The following PDE8A variants were observed in gnomAD, a reference collection of about 807,000 sequenced individuals.
The protein encoded by PDE8A is high affinity cAMP-specific and IBMX-insensitive 3',5'-cyclic phosphodiesterase 8A.
PDE8A carries 59 observed loss-of-function variants against 105.0 expected under a neutral mutation model. That is an observed-to-expected ratio of 0.56 (90% confidence interval 0.46 to 0.70). The LOEUF (loss-of-function observed/expected upper bound fraction) is 0.70, where lower values mean the gene tolerates loss of function less well. PDE8A is among the 30% of genes least tolerant of loss of function. PDE8A has a pLI of 0.00. For missense variants in PDE8A, 1,014 were observed against 1,045.9 expected, an observed-to-expected ratio of 0.97 and a Z score of 0.42; for synonymous variants, 355 against 371.9, an observed-to-expected ratio of 0.95 and a Z score of 0.52.
intron 1 of PDE8A, among the ~76,000 whole-genome samples, chr15:85,054,717 C>T (rs1010854704): frequency 1.3e-5 from 2 of 152,108 alleles, no homozygotes; most frequent in Non-Finnish European, 2.9e-5. Context: ...CTTTGTTAGT[C>T]TTGCTAGCGG....
Position 85,137,957 on chromosome 15 carries a change from C to T in PDE8A, c.*54C>T. On this transcript the variant is annotated 3_prime_UTR_variant, in exon 22 of 22. Coordinates refer to ENST00000394553, the MANE Select transcript of PDE8A (RefSeq NM_002605.3). Reference sequence around the variant, plus strand: ...TTTGTTCCTTCGGTCATTTGGAATTCCTGAGGGCAGCCAGAGCTCCTTGGT... The same window carrying T: ...TTTGTTCCTTCGGTCATTTGGAATTTCTGAGGGCAGCCAGAGCTCCTTGGT... The T allele has an allele frequency of 8.8e-7, 1 of 1,134,608 alleles. No homozygotes were observed. Among genetic ancestry groups the T allele is most frequent in the Non-Finnish European group, 1.3e-6 (1 of 750,590 alleles). The allele number at this position is 1,134,608 out of a possible 1,614,324, so 70.3% of individuals were successfully genotyped here.
chr15:85,030,014 A>G (rs1741689751), intron 1 of PDE8A, among the ~76,000 whole-genome samples: 1 of 152,118 alleles, frequency 6.6e-6, no homozygotes, highest in Non-Finnish European at 1.5e-5. Flanking sequence ...TGCAGAAGGA[A>G]CATCTAGTGG....
At chr15:84,987,399 A>G (rs1442306658) in intron 1 of PDE8A, among the ~76,000 whole-genome samples, 1 of 150,704 alleles carries the variant, frequency 6.6e-6, no homozygotes, top group African/African-American at 2.5e-5. Context: ...TTCTGGCGCA[A>G]ATGTTTCCTG....
chr15:85,072,380 C>G (rs1183484349), intron 3 of PDE8A, among the ~76,000 whole-genome samples: 1 of 152,070 alleles, frequency 6.6e-6, no homozygotes, highest in Non-Finnish European at 1.5e-5. Flanking sequence ...TGGTAGTTGC[C>G]CCCAGTATCC....
intron 20 of PDE8A, among the ~76,000 whole-genome samples, chr15:85,129,293 A>G (rs540687036): frequency 5.3e-5 from 8 of 152,230 alleles, no homozygotes; most frequent in Non-Finnish European, 8.8e-5. Flanking sequence ...CTTCCTTTTC[A>G]GTTTTTCTGG....
chr15:85,110,692 T>G (rs949913797), intron 12 of PDE8A, among the ~76,000 whole-genome samples: 8 of 152,244 alleles, frequency 5.3e-5, no homozygotes, highest in African/African-American at 1.9e-4. Context: ...CATCTTCTTC[T>G]TGTTTCCATT....
chr15:85,030,205 C>G (rs2080590517), intron 1 of PDE8A, among the ~76,000 whole-genome samples: 1 of 151,916 alleles, frequency 6.6e-6, no homozygotes, highest in Non-Finnish European at 1.5e-5. Context: ...TTGTAAATTC[C>G]TAGAAGTGTT....
intron 1 of PDE8A, among the ~76,000 whole-genome samples, chr15:85,053,196 C>T (rs1454536724): frequency 1.3e-5 from 2 of 152,148 alleles, no homozygotes; most frequent in Admixed American, 6.5e-5. Flanking sequence ...GTTTTGGTAC[C>T]AGTACCATGC....
chr15:85,040,808 C>T (rs2080793775), intron 1 of PDE8A, among the ~76,000 whole-genome samples: 2 of 152,134 alleles, frequency 1.3e-5, no homozygotes, highest in African/African-American at 4.8e-5. Flanking sequence ...ATCCGCCTGC[C>T]TTGGCCTCCC....
At chr15:85,120,666 C>T in intron 17 of PDE8A, 131 bp from the exon 18 acceptor site, 1 of 630,522 alleles carries the variant, frequency 1.6e-6, no homozygotes. Flanking sequence ...TAGATTTGCT[C>T]ACGTAGTATG....
chr15:85,116,656 G>A (rs2082101422), intron 16 of PDE8A, among the ~76,000 whole-genome samples: 1 of 152,184 alleles, frequency 6.6e-6, no homozygotes, highest in Non-Finnish European at 1.5e-5. Context: ...AGTTGGCTGG[G>A]CACACAAGAA....
intron 6 of PDE8A, among the ~76,000 whole-genome samples, chr15:85,087,465 G>A (rs899586120): frequency 3.3e-5 from 5 of 152,224 alleles, no homozygotes; most frequent in Non-Finnish European, 7.3e-5. Flanking sequence ...CTCCCAGAGT[G>A]CTGGCATTAC....
At chr15:85,049,593 T>C (rs927632072) in intron 1 of PDE8A, among the ~76,000 whole-genome samples, 6 of 152,250 alleles carry the variant, frequency 3.9e-5, no homozygotes, top group Non-Finnish European at 7.3e-5. Context: ...ATTTATTCTT[T>C]ATTTTTTAAA....
chr15:85,070,684 GAGT>G (rs1286136306), intron 3 of PDE8A, among the ~76,000 whole-genome samples: 5 of 152,220 alleles, frequency 3.3e-5, no homozygotes, highest in African/African-American at 1.2e-4. Flanking sequence ...GGCAGATGTG[GAGT>G]AGGTGTCAGG....
intron 7 of PDE8A, chr15:85,090,838 G>T (rs988371143): frequency 1.6e-6 from 1 of 634,702 alleles, no homozygotes; most frequent in African/African-American, 1.8e-5. Context: ...AGCCCAGCCG[G>T]GTATCACCCA....
At chr15:85,043,597 C>G (rs2080843254) in intron 1 of PDE8A, among the ~76,000 whole-genome samples, 1 of 152,134 alleles carries the variant, frequency 6.6e-6, no homozygotes, top group African/African-American at 2.4e-5. Flanking sequence ...ACATTTGTCC[C>G]CTGTATTTAA....
At chr15:85,051,938 A>G (rs111564412) in intron 1 of PDE8A, among the ~76,000 whole-genome samples, 5 of 152,054 alleles carry the variant, frequency 3.3e-5, no homozygotes, top group Admixed American at 2.0e-4. Context: ...CATCATTTAC[A>G]TTAGATATAT....
chr15:85,081,298 G>A (rs190768044), intron 5 of PDE8A, among the ~76,000 whole-genome samples: 30 of 152,300 alleles, frequency 2.0e-4, no homozygotes, highest in African/African-American at 6.0e-4. Flanking sequence ...CCATTGAGTC[G>A]GTAGACTCAC....
chr15:84,991,550 C>G (rs770727995), intron 1 of PDE8A, among the ~76,000 whole-genome samples: 1 of 152,120 alleles, frequency 6.6e-6, no homozygotes, highest in Non-Finnish European at 1.5e-5. Context: ...ATTGTCATTG[C>G]CAGGTAGAGT....
Sources: allele counts gnomAD v4.1 joint callset (sites outside exome capture counted in the v4.1 genomes callset), GRCh38; gene constraint gnomAD v4.1.1; transcripts MANE v1.5; gene names NCBI Gene and HGNC (gene_info 2026-07-23, HGNC 2026-07-21).